PTPRN2: variants seen among roughly 807,000 people sequenced by gnomAD.
PTPRN2 encodes protein tyrosine phosphatase receptor type N2.
PTPRN2 carries 74 observed loss-of-function variants against 118.8 expected under a neutral mutation model. The observed-to-expected ratio is 0.62, with a 90% CI of 0.52 to 0.76. The LOEUF is 0.76. Ranked by LOEUF, PTPRN2 falls within the 30% of genes least tolerant of loss-of-function variation. The pLI is 0.00. For missense variants in PTPRN2, 1,481 were observed against 1,394.4 expected (o/e 1.06, Z -0.99); for synonymous variants, 641 against 608.0 (o/e 1.05, Z -0.80).
chr7:158,389,194 C>T (rs1811735277), intron 2 of PTPRN2, among the ~76,000 whole-genome samples: 1 of 152,256 alleles, frequency 6.6e-6, no homozygotes, highest in Admixed American at 6.5e-5. Flanking sequence ...GCCACTGAGG[C>T]CACACCACAC....
At chr7:157,890,698 C>A (rs998253037) in intron 12 of PTPRN2, among the ~76,000 whole-genome samples, 6 of 152,170 alleles carry the variant, frequency 3.9e-5, no homozygotes, top group Non-Finnish European at 7.3e-5. Flanking sequence ...GGAACATCTA[C>A]GGATTTCTCA....
At chr7:157,717,178 C>G (rs930227716) in intron 12 of PTPRN2, among the ~76,000 whole-genome samples, 4 of 152,266 alleles carry the variant, frequency 2.6e-5, no homozygotes, top group African/African-American at 9.6e-5. Context: ...CAAAATCGAT[C>G]CACGAGGCTT....
chr7:158,552,814 T>G (rs1826747734), intron 1 of PTPRN2, among the ~76,000 whole-genome samples: 1 of 152,218 alleles, frequency 6.6e-6, no homozygotes, highest in South Asian at 2.1e-4. Context: ...ACACGTTTTG[T>G]GCACTTGACA....
chr7:158,165,216 T>C (rs1204057076), intron 6 of PTPRN2, among the ~76,000 whole-genome samples: 1 of 137,702 alleles, frequency 7.3e-6, no homozygotes, highest in African/African-American at 2.6e-5. Context: ...CCTGATGGTG[T>C]CTAGTACCCA....
rs1810940633 is a variant in PTPRN2, at chr7:157,869,809, A to G, written c.1788+28864T>C. On this transcript the variant is annotated intron_variant, in intron 12 of 22. Transcript: ENST00000389418. This position sits in a 1 kb window ranked among gnomAD's most constrained non-coding sequence, Gnocchi z 4.2. ...AAGCTTTCCCAGGCATTTTTCTGCT[A>G]AAGTTTTTATAACTTTCTCAAAACA... is the stretch of plus-strand genomic sequence containing the variant. Among the ~76,000 whole-genome samples the G allele has an allele frequency of 6.6e-6, 1 of 152,202 alleles. No homozygotes were observed. Among genetic ancestry groups the G allele is most frequent in the Non-Finnish European group, 1.5e-5 (1 of 68,036 alleles).
chr7:158,098,608 C>T (rs1020042592), intron 10 of PTPRN2, among the ~76,000 whole-genome samples: 3 of 152,190 alleles, frequency 2.0e-5, no homozygotes, highest in Non-Finnish European at 4.4e-5. Flanking sequence ...AGAGGCTCCC[C>T]GAGGCACACG....
chr7:157,935,548 G>A (rs1036456768), intron 11 of PTPRN2, among the ~76,000 whole-genome samples: 9 of 152,128 alleles, frequency 5.9e-5, no homozygotes, highest in Non-Finnish European at 1.0e-4. Flanking sequence ...TTCCCTTTAC[G>A]TTCTTGAACA....
intron 12 of PTPRN2, among the ~76,000 whole-genome samples, chr7:157,687,934 TATTA>T (rs939456543): frequency 2.0e-5 from 3 of 152,222 alleles, no homozygotes; most frequent in Non-Finnish European, 4.4e-5. Flanking sequence ...AATAATCATG[TATTA>T]ATTCTCTGCA....
intron 3 of PTPRN2, among the ~76,000 whole-genome samples, chr7:158,306,151 C>G (rs1330939387): frequency 1.3e-5 from 2 of 152,182 alleles, no homozygotes; most frequent in Admixed American, 1.3e-4. Flanking sequence ...CATTTAGAGA[C>G]AATGTTTTAC....
chr7:157,873,409 C>T (rs1198520793), intron 12 of PTPRN2, among the ~76,000 whole-genome samples: 2 of 152,236 alleles, frequency 1.3e-5, no homozygotes, highest in African/African-American at 4.8e-5. Flanking sequence ...TTTGCTCCGA[C>T]GTGTGCCAAG....
chr7:158,306,862 T>G (rs902563198), intron 3 of PTPRN2, among the ~76,000 whole-genome samples: 21 of 138,042 alleles, frequency 1.5e-4, no homozygotes, highest in African/African-American at 2.1e-4. Context: ...TTTGTTTTTT[T>G]TTTTTTTTTT....
At chr7:158,165,649 C>A (rs1822897093) in intron 6 of PTPRN2, among the ~76,000 whole-genome samples, 1 of 152,266 alleles carries the variant, frequency 6.6e-6, no homozygotes, top group African/African-American at 2.4e-5. Context: ...AGAGTGCTCA[C>A]ATAACGCGAT....
chr7:158,246,348 G>C (rs755929175), intron 3 of PTPRN2, among the ~76,000 whole-genome samples: 15 of 151,630 alleles, frequency 9.9e-5, no homozygotes, highest in Non-Finnish European at 1.5e-4. Flanking sequence ...GGAGGTGAGA[G>C]ATGGAGAGAG....
intron 6 of PTPRN2, among the ~76,000 whole-genome samples, chr7:158,143,591 G>T: frequency 6.6e-6 from 1 of 152,172 alleles, no homozygotes; most frequent in Non-Finnish European, 1.5e-5. Context: ...CTAAGGAAAG[G>T]TCCTTCCTGT....
At position 158,015,805 on chromosome 7, in the gene PTPRN2, C is replaced by T. The variant is rs1254580220; in HGVS notation, c.1723+65493G>A. Among the ~76,000 whole-genome samples the T allele has an allele frequency of 6.6e-6, 1 of 152,224 alleles. No homozygotes were observed. The highest frequency in any genetic ancestry group is 2.1e-4 in the South Asian group (1 of 4,832). On this transcript the variant is annotated intron_variant, in intron 11 of 22. Transcript: ENST00000389418. This position sits in a 1 kb window ranked among gnomAD's most constrained non-coding sequence, Gnocchi z 4.2. ...CCCAGGTCCAACACTAAGGGAAACA[C>T]ATCCATTCACTACAGCCTAGTAATT...
rs1563251008 is a variant in PTPRN2, at chr7:157,933,162, TTGA to T, written c.1724-34428_1724-34426del. Among the ~76,000 whole-genome samples the T allele has an allele frequency of 8.2e-4, 94 of 113,980 alleles. 1 individual carries two copies. Among genetic ancestry groups the T allele is most frequent in the African/African-American group, 3.0e-3 (92 of 31,114 alleles). The allele number at this position is 113,980 out of a possible 152,430, so 74.8% of individuals were successfully genotyped here. ...TTAGAGGAGGGGTGAGTCACTCTGA[TTGA>T]CAGTTTTAGAGGAAGGGTGAGTCAC... On this transcript the variant is annotated intron_variant, in intron 11 of 22. Coordinates refer to ENST00000389418, the MANE Select transcript of PTPRN2 (RefSeq NM_002847.5).
chr7:158,164,529 CGCGCACGTAGGGAAG>C (rs530208053), intron 6 of PTPRN2, among the ~76,000 whole-genome samples: 2 of 2,802 alleles, frequency 7.1e-4, no homozygotes, highest in African/African-American at 6.0e-3. Context: ...AGAGCGGGAG[CGCGCACGTAGGGAAG>C]GCGCGCACGT....
rs371752338 is a variant in PTPRN2 at position 158,517,902 on chromosome 7, C to A, written c.113-28117G>T. ...CACTGCAGAAAAACCTTCCCTCCCC[C>A]CCAGTCTGACTAGAGTCCACTCATT... On this transcript the variant is annotated intron_variant, in intron 1 of 22. Coordinates refer to ENST00000389418, the MANE Select transcript of PTPRN2 (RefSeq NM_002847.5). This position sits in a 1 kb window ranked among gnomAD's most constrained non-coding sequence, Gnocchi z 5.3. 6.6e-6 allele frequency among the ~76,000 whole-genome samples: 1 copy of A among 152,230 alleles called. No individual in the cohort carries two copies. Among genetic ancestry groups the A allele is most frequent in the African/African-American group, 2.4e-5 (1 of 41,462 alleles).
At chr7:157,642,878 G>A (rs1349797705) in intron 14 of PTPRN2, among the ~76,000 whole-genome samples, 2 of 145,334 alleles carry the variant, frequency 1.4e-5, no homozygotes, top group Non-Finnish European at 3.0e-5. Context: ...GACAGTGGGT[G>A]CCATTTACCT....
Sources: gnomAD v4.1 joint callset for allele counts (sites outside exome capture counted in the v4.1 genomes callset) on GRCh38, gnomAD v4.1.1 for gene constraint, Gnocchi (gnomAD v3.1) non-coding constraint, MANE v1.5 for transcripts, NCBI Gene and HGNC (gene_info 2026-07-23, HGNC 2026-07-21) for gene names.